Variants in FBLN5 observed in about 807,000 individuals in gnomAD.
The protein encoded by FBLN5 is fibulin-5.
In FBLN5, 24 loss-of-function variants were observed where a neutral mutation model predicts 61.6. The ratio of observed to expected loss-of-function variants is 0.39; its 90% CI spans 0.28 to 0.55. The LOEUF (loss-of-function observed/expected upper bound fraction) is 0.55, where lower values mean the gene tolerates loss of function less well. Among genes scored for constraint, FBLN5 ranks in the 20% least tolerant of loss-of-function variants. The pLI, the probability that FBLN5 is intolerant of heterozygous loss-of-function variation, is 0.65. For synonymous variants in FBLN5, 213 were observed against 219.8 expected, an observed-to-expected ratio of 0.97 and a Z score of 0.27; for missense variants, 470 against 594.1, an observed-to-expected ratio of 0.79 and a Z score of 2.17.
At chr14:91,873,783 C>T (rs574572829) in intron 10 of FBLN5, 1 of 152,394 alleles carries the variant, frequency 6.6e-6, no homozygotes, top group Non-Finnish European at 1.5e-5. Flanking sequence ...GCCCTGATCC[C>T]AAACACACTC....
intron 9 of FBLN5, 176 bp from the exon 10 acceptor site, chr14:91,877,858 G>A (rs1052444208): frequency 5.0e-5 from 34 of 678,400 alleles, no homozygotes; most frequent in East Asian, 3.9e-4. Context: ...GCATGTAGGC[G>A]AGCTCTGTTT....
At chr14:91,898,505 A>G (rs1890318094) in intron 4 of FBLN5, among the ~76,000 whole-genome samples, 1 of 152,180 alleles carries the variant, frequency 6.6e-6, no homozygotes, top group Non-Finnish European at 1.5e-5. Context: ...AAGACTCATC[A>G]CACATTCCAG....
At chr14:91,907,214 G>C (rs973161270) in intron 4 of FBLN5, among the ~76,000 whole-genome samples, 4 of 152,162 alleles carry the variant, frequency 2.6e-5, no homozygotes, top group African/African-American at 7.2e-5. Flanking sequence ...CCTTTAAACA[G>C]AATTGGTGCA....
At chr14:91,870,583 A>T (rs983987531) in intron 10 of FBLN5, among the ~76,000 whole-genome samples, 198 bp from the exon 11 acceptor site, 5 of 152,220 alleles carry the variant, frequency 3.3e-5, no homozygotes, top group African/African-American at 2.4e-5. Context: ...CTGAAAGGTC[A>T]CTTCCTAAGA....
chr14:91,870,993 A>G (rs530976682), intron 10 of FBLN5, among the ~76,000 whole-genome samples: 2 of 152,288 alleles, frequency 1.3e-5, no homozygotes, highest in South Asian at 4.2e-4. Flanking sequence ...AACAGGCACC[A>G]GGGCCTGCTT....
chr14:91,927,225 T>C (rs1384140916), intron 4 of FBLN5, among the ~76,000 whole-genome samples: 1 of 152,236 alleles, frequency 6.6e-6, no homozygotes, highest in Non-Finnish European at 1.5e-5. Context: ...CTCCATAAAA[T>C]GAATGCCTTG....
At chr14:91,871,137 C>A (rs1241987277) in intron 10 of FBLN5, among the ~76,000 whole-genome samples, 2 of 148,162 alleles carry the variant, frequency 1.3e-5, no homozygotes, top group Non-Finnish European at 3.0e-5. Context: ...CCAACATGCA[C>A]ATGTACTCTT....
chr14:91,880,586 C>T (rs1316130629), intron 9 of FBLN5, among the ~76,000 whole-genome samples: 1 of 151,974 alleles, frequency 6.6e-6, no homozygotes, highest in Non-Finnish European at 1.5e-5. Flanking sequence ...CTCACTCTGT[C>T]ACCCAGACTG....
intron 4 of FBLN5, among the ~76,000 whole-genome samples, chr14:91,895,735 C>A (rs148012085): frequency 0.029 from 4,134 of 142,208 alleles, 207 homozygotes; most frequent in African/African-American, 0.1. Context: ...GAGGTGGAGG[C>A]TGCAGTGAGC....
intron 4 of FBLN5, among the ~76,000 whole-genome samples, chr14:91,912,466 G>A (rs1011844089): frequency 6.6e-6 from 1 of 152,146 alleles, no homozygotes; most frequent in Non-Finnish European, 1.5e-5. Flanking sequence ...CCAACGTGGT[G>A]AAACCCTGTA....
chr14:91,881,037 A>C (rs1889417635), intron 9 of FBLN5, among the ~76,000 whole-genome samples: 1 of 152,176 alleles, frequency 6.6e-6, no homozygotes, highest in South Asian at 2.1e-4. Context: ...AGTTTCAAAA[A>C]ACAATATTGA....
At position 91,947,353 on chromosome 14, in the gene FBLN5, G is replaced by T; in HGVS notation, c.-124C>A. On this transcript the variant is annotated 5_prime_UTR_variant, in exon 1 of 11. Coordinates refer to ENST00000342058, the MANE Select transcript of FBLN5 (RefSeq NM_006329.4). The surrounding 1 kb of genome is among the most constrained non-coding windows in gnomAD (Gnocchi z 4.3). ...GGGCTCGCGGGTGTTTTATTCCAGAGGGGCCGAGCGAGTCGTGGAGAGGAC... is the reference window on the plus strand; with the variant it reads ...GGGCTCGCGGGTGTTTTATTCCAGATGGGCCGAGCGAGTCGTGGAGAGGAC... 1 of 1,116,478 alleles carries T rather than the reference G, an allele frequency of 9.0e-7. No homozygotes were observed. The highest frequency in any genetic ancestry group is 1.9e-5 in the Admixed American group (1 of 52,656). 69.2% of individuals were successfully genotyped at this position (1,116,478 alleles called of 1,614,324 possible).
chr14:91,888,491 C>T (rs1889833701), intron 6 of FBLN5, among the ~76,000 whole-genome samples: 1 of 151,452 alleles, frequency 6.6e-6, no homozygotes, highest in Admixed American at 6.6e-5. Context: ...TGCCTGTAAT[C>T]ACAGCTACTT....
chr14:91,942,014 G>C (rs1036397777), intron 2 of FBLN5: 2 of 366,618 alleles, frequency 5.5e-6, no homozygotes, highest in African/African-American at 4.3e-5. Flanking sequence ...TTCTTAATAT[G>C]AAGAGAGAAA....
Position 91,943,085 on chromosome 14 carries a change from G to T in FBLN5, c.18-124C>A. On this transcript the variant is annotated intron_variant, in intron 1 of 10. Coordinates refer to ENST00000342058, the MANE Select transcript of FBLN5 (RefSeq NM_006329.4). The surrounding 1 kb of genome is among the most constrained non-coding windows in gnomAD (Gnocchi z 4.0). ...CTTGGGCTTGTATGGGGTGGGGTGT[G>T]CTCCAGGGAGGTCATGGTGGTTCCA... 1.4e-6 allele frequency: 1 copy of T among 729,350 alleles called. No individual in the cohort carries two copies. The allele number at this position is 729,350 out of a possible 1,614,324, so 45.2% of individuals were successfully genotyped here. A position where few individuals can be genotyped will look rare whatever the true frequency, so the allele number is the denominator to read the frequency against.
chr14:91,937,675 A>T (rs1332710564), intron 3 of FBLN5, among the ~76,000 whole-genome samples: 1 of 152,176 alleles, frequency 6.6e-6, no homozygotes, highest in Non-Finnish European at 1.5e-5. Flanking sequence ...TCACCGTGTG[A>T]TGCCTTGCGT....
chr14:91,911,095 C>T (rs112739092), intron 4 of FBLN5, among the ~76,000 whole-genome samples: 11,722 of 152,036 alleles, frequency 0.077, 573 homozygotes, highest in Middle Eastern at 0.12. Context: ...GTGATTCTCC[C>T]GCCTCAGCTT....
At chr14:91,875,058 G>A (rs543886896) in intron 10 of FBLN5, among the ~76,000 whole-genome samples, 20 of 152,162 alleles carry the variant, frequency 1.3e-4, no homozygotes, top group African/African-American at 1.4e-4. Flanking sequence ...TTGAACTCCC[G>A]GGCTCCAGGG....
At chr14:91,894,857 A>AC (rs1890154711) in intron 5 of FBLN5, 93 bp downstream of exon 5, 2 of 1,156,488 alleles carry the variant, frequency 1.7e-6, no homozygotes, top group Non-Finnish European at 2.4e-6. Flanking sequence ...AAAGCTTACT[A>AC]CCCTCAGGCA....
Sources: gnomAD v4.1 joint callset for allele counts (sites outside exome capture counted in the v4.1 genomes callset) on GRCh38, gnomAD v4.1.1 for gene constraint, Gnocchi (gnomAD v3.1) non-coding constraint, MANE v1.5 for transcripts, NCBI Gene and HGNC (gene_info 2026-07-23, HGNC 2026-07-21) for gene names.